MYOF: variants seen among roughly 807,000 people sequenced by gnomAD.
MYOF encodes fer-1-like 3, myoferlin.
In MYOF, 244 loss-of-function variants were observed where a neutral mutation model predicts 284.2. The observed-to-expected ratio is 0.86, with a 90% confidence interval of 0.77 to 0.95. The LOEUF is 0.95. Among genes scored for constraint, MYOF ranks in the 40% least tolerant of loss-of-function variants. The pLI is 0.00. For missense variants in MYOF, 2,496 were observed against 2,560.6 expected (o/e 0.97, Z 0.54); for synonymous variants, 904 against 919.7 (o/e 0.98, Z 0.31).
intron 5 of MYOF, among the ~76,000 whole-genome samples, chr10:93,416,907 C>T (rs1848151957): frequency 6.6e-6 from 1 of 152,100 alleles, no homozygotes; most frequent in Admixed American, 6.5e-5. Context: ...CATGACCAGG[C>T]CATTTTAATA....
intron 27 of MYOF, among the ~76,000 whole-genome samples, chr10:93,363,044 C>T (rs1441283793): frequency 6.6e-6 from 1 of 152,068 alleles, no homozygotes; most frequent in Admixed American, 6.5e-5. Context: ...CCTAAATGCC[C>T]AGAAAGAGGG....
intron 9 of MYOF, 100 bp from the exon 10 acceptor site, chr10:93,402,990 C>T (rs1847372435): frequency 9.6e-7 from 1 of 1,046,866 alleles, no homozygotes; most frequent in Non-Finnish European, 1.4e-6. Flanking sequence ...GTCTTGATTA[C>T]ACTTAAATTT....
At chr10:93,320,100 A>G (rs1842790486) in intron 48 of MYOF, 87 bp from the exon 49 acceptor site, 1 of 1,488,052 alleles carries the variant, frequency 6.7e-7, no homozygotes, top group Non-Finnish European at 9.3e-7. Flanking sequence ...GGGAGCAAAG[A>G]GCAGGAGAAT....
intron 17 of MYOF, among the ~76,000 whole-genome samples, chr10:93,391,538 C>T (rs984923370): frequency 2.6e-5 from 4 of 151,686 alleles, no homozygotes; most frequent in African/African-American, 4.8e-5. Flanking sequence ...TAGGTTGCAG[C>T]GAACCAAGAT....
chr10:93,384,767 A>G (rs1490024963), intron 19 of MYOF, among the ~76,000 whole-genome samples: 1 of 152,164 alleles, frequency 6.6e-6, no homozygotes, highest in Non-Finnish European at 1.5e-5. Context: ...GGTGGTATAA[A>G]GTAGAGTTTC....
chr10:93,374,839 G>A lies in MYOF; in HGVS notation c.2225C>T (p.Ser742Leu), dbSNP rs768988755. 11 of 1,614,090 alleles carry A rather than the reference G, an allele frequency of 6.8e-6. No individual in the cohort carries two copies. The highest frequency in any genetic ancestry group is 2.2e-5 in the East Asian group (1 of 44,882). ...QIHEAAVRMR[S>L]EATDVKSTLA... Reference sequence around the variant, plus strand: ...TGTGGACTTCACATCTGTGGCTTCCGACCTCATCCTCACAGCCGCCTCATG... The same window carrying A: ...TGTGGACTTCACATCTGTGGCTTCCAACCTCATCCTCACAGCCGCCTCATG... The change falls in exon 23 of 54, where the codon TCG (serine) becomes TTG (leucine). Residue 742 changes from serine to leucine, a missense_variant. By Grantham distance (145) the Ser-to-Leu change is moderately radical. This residue lies in a region of MYOF where 2,436 missense variants were observed against 2,480.7 expected (regional missense o/e 0.98). Transcript: ENST00000359263.
intron 39 of MYOF, among the ~76,000 whole-genome samples, chr10:93,338,840 G>T (rs1041574657): frequency 6.6e-6 from 1 of 151,630 alleles, no homozygotes; most frequent in African/African-American, 2.4e-5. Context: ...ACTATAGAAG[G>T]CCTCCCACTC....
chr10:93,398,827 G>C, intron 13 of MYOF, among the ~76,000 whole-genome samples: 1 of 152,168 alleles, frequency 6.6e-6, no homozygotes, highest in African/African-American at 2.4e-5. Context: ...TTATTCTACT[G>C]TAGAATCTCA....
intron 46 of MYOF, among the ~76,000 whole-genome samples, chr10:93,324,021 C>T (rs552431531): frequency 6.6e-6 from 1 of 152,316 alleles, no homozygotes; most frequent in Admixed American, 6.5e-5. Context: ...TTAGTGCCCA[C>T]CACCAGGTAA....
Position 93,310,648 on chromosome 10 carries a change from A to G in MYOF, c.5890-5T>C. 1.9e-6 allele frequency: 3 copies of G among 1,613,754 alleles called. No individual in the cohort carries two copies. The highest frequency in any genetic ancestry group is 1.7e-6 in the Non-Finnish European group (2 of 1,179,656). On this transcript the variant is annotated splice_polypyrimidine_tract_variant and splice_region_variant and intron_variant, in intron 51 of 53. Coordinates refer to ENST00000359263, the MANE Select transcript of MYOF (RefSeq NM_013451.4). Reference sequence around the variant, plus strand: ...CAATGTCATCTCCACTTTCCCCTTCAGTAAAGCAGAGCAGGTTAAACATAT... The same window carrying G: ...CAATGTCATCTCCACTTTCCCCTTCGGTAAAGCAGAGCAGGTTAAACATAT...
At chr10:93,322,042 G>T (rs1842863612) in intron 48 of MYOF, among the ~76,000 whole-genome samples, 2 of 151,518 alleles carry the variant, frequency 1.3e-5, no homozygotes, top group African/African-American at 4.9e-5. Context: ...AAATAAATTT[G>T]CATATATATA....
At chr10:93,338,030 G>C in intron 39 of MYOF, 117 bp from the exon 40 acceptor site, 1 of 737,824 alleles carries the variant, frequency 1.4e-6, no homozygotes, top group Non-Finnish European at 2.3e-6. Flanking sequence ...TGTTAAAAGT[G>C]AGATTATATG....
intron 3 of MYOF, among the ~76,000 whole-genome samples, chr10:93,433,389 C>G (rs1311351450): frequency 6.6e-6 from 1 of 152,230 alleles, no homozygotes; most frequent in Admixed American, 6.5e-5. Flanking sequence ...GAACTCCCAA[C>G]CTCAGGTGAT....
In MYOF at chr10:93,381,355, A is replaced by T; in HGVS notation, c.1740T>A (p.Phe580Leu). ...RRRKYSLSAV[F>L]HSATMLQDVG... ...CATCTTGCAACATGGTGGCTGAATG[A>T]AACACGGCAGACAGGCTGTACTTCC... is the stretch of plus-strand genomic sequence containing the variant. Residue 580 changes from phenylalanine (F) to leucine (L), a missense_variant, in exon 20 of 54, where the codon TTT becomes TTA. By Grantham distance (22) the Phe-to-Leu change is conservative. Coordinates refer to ENST00000359263, the MANE Select transcript of MYOF (RefSeq NM_013451.4). 1 of 1,614,254 alleles carries T rather than the reference A, an allele frequency of 6.2e-7. No homozygotes were observed. The highest frequency in any genetic ancestry group is 1.1e-5 in the South Asian group (1 of 91,084).
At chr10:93,319,753 C>T in intron 49 of MYOF, 119 bp downstream of exon 49, 3 of 1,388,792 alleles carry the variant, frequency 2.2e-6, no homozygotes, top group Non-Finnish European at 3.0e-6. Context: ...CCCATCTCTG[C>T]TGAGAAGGAG....
intron 49 of MYOF, 26 bp from the exon 50 acceptor site, chr10:93,316,839 G>T (rs774993534): frequency 1.3e-6 from 2 of 1,582,918 alleles, no homozygotes; most frequent in African/African-American, 1.4e-5. Flanking sequence ...ACATGATCAT[G>T]ATGACTCTGA....
chr10:93,351,164 G>T, intron 35 of MYOF, 33 bp downstream of exon 35: 2 of 1,595,980 alleles, frequency 1.3e-6, no homozygotes, highest in South Asian at 2.2e-5. Context: ...ACATCCGTTT[G>T]ATTTGATGAG....
At chr10:93,314,835 G>A (rs1273954082) in intron 50 of MYOF, among the ~76,000 whole-genome samples, 1 of 152,152 alleles carries the variant, frequency 6.6e-6, no homozygotes, top group Non-Finnish European at 1.5e-5. Flanking sequence ...GATTACTTGA[G>A]CTCAGGAATT....
chr10:93,389,142 T>A lies in MYOF; in HGVS notation c.1469A>T (p.Glu490Val), dbSNP rs767819296. 185 of 1,613,496 alleles carry A rather than the reference T, an allele frequency of 1.1e-4. No homozygotes were observed. The Admixed American group carries it at 2.9e-3, about 25-fold the overall frequency. Residue 490 changes from glutamate to valine, a missense_variant, in exon 18 of 54, where the codon GAA becomes GTA. By Grantham distance (121) the Glu-to-Val change is moderately radical. Around this residue, in one of 3 missense-constraint regions of MYOF, gnomAD observed 2,436 missense variants for 2,480.7 expected, o/e 0.98. Coordinates refer to ENST00000359263, the MANE Select transcript of MYOF (RefSeq NM_013451.4). ...CGTTGGAACAAAGCCTACCTCTGTT[T>A]CTCCTGTGTTTACTGAGAGAGAAAC... is the stretch of plus-strand genomic sequence containing the variant. The part of the protein sequence containing the change: ...GAASYTVNTG[E>V]TEVGFVPTFG...
Sources: allele counts gnomAD v4.1 joint callset (sites outside exome capture counted in the v4.1 genomes callset), GRCh38; gene constraint gnomAD v4.1.1; regional missense constraint gnomAD v4.1.1; transcripts MANE v1.5; gene names NCBI Gene and HGNC (gene_info 2026-07-23, HGNC 2026-07-21).